The following USP22 variants were observed in gnomAD, a reference collection of about 807,000 sequenced individuals.
USP22 encodes the protein ubiquitin specific peptidase 22, also known as ubiquitin carboxyl-terminal hydrolase 22.
USP22 carries 22 observed loss-of-function variants against 68.1 expected under a neutral mutation model. The ratio of observed to expected loss-of-function variants is 0.32; its 90% confidence interval spans 0.23 to 0.46. The LOEUF (loss-of-function observed/expected upper bound fraction) is 0.46. Ranked by LOEUF, USP22 falls within the 20% of genes least tolerant of loss-of-function variation. The pLI, the probability that USP22 is intolerant of heterozygous loss-of-function variation, is 1.00. For missense variants in USP22, 433 were observed against 695.8 expected (o/e 0.62, Z 4.25); for synonymous variants, 279 against 274.2 (o/e 1.02, Z -0.17).
intron 7 of USP22, chr17:21,011,511 G>A: frequency 3.2e-6 from 2 of 618,070 alleles, no homozygotes; most frequent in Non-Finnish European, 5.5e-6. Context: ...GGGGAGGGGT[G>A]TGTGTGAACT....
intron 2 of USP22, among the ~76,000 whole-genome samples, chr17:21,024,814 A>G (rs1972200712): frequency 6.6e-6 from 1 of 152,166 alleles, no homozygotes; most frequent in Non-Finnish European, 1.5e-5. Flanking sequence ...ACAAAGTACA[A>G]AAAATCAGCC....
chr17:21,006,635 G>A lies in USP22; in HGVS notation c.1322+261C>T, dbSNP rs183820192. 75 of 182,438 alleles carry A rather than the reference G, an allele frequency of 4.1e-4. 1 individual carries two copies. Among genetic ancestry groups the A allele is most frequent in the African/African-American group, 1.6e-3 (69 of 42,542 alleles). The allele number at this position is 182,438 out of a possible 1,614,324, so 11.3% of individuals were successfully genotyped here. ...TTCTCCTGCCTCAGCCTCCCAAATA[G>A]CTGGGACTACAGGTGCCTGCCACCA... On this transcript the variant is annotated intron_variant, in intron 10 of 12. Transcript: ENST00000261497.
Position 21,028,296 on chromosome 17 carries a change from A to C in USP22, c.304+246T>G, listed in dbSNP as rs142997920. 4.3e-3 allele frequency among the ~76,000 whole-genome samples: 651 copies of C among 152,298 alleles called. 5 individuals are homozygous for C. The highest frequency in any genetic ancestry group is 0.015 in the African/African-American group (626 of 41,556). ...CAGGGACAGTGCAACTTTTCACAGGAAGTCAGCTGGACATAAGACAGCAGG... is the reference window on the plus strand; with the variant it reads ...CAGGGACAGTGCAACTTTTCACAGGCAGTCAGCTGGACATAAGACAGCAGG... On this transcript the variant is annotated intron_variant, in intron 2 of 12. Coordinates refer to ENST00000261497, the MANE Select transcript of USP22 (RefSeq NM_015276.2).
chr17:21,033,028 C>T (rs146062163), intron 1 of USP22, among the ~76,000 whole-genome samples: 1,735 of 150,160 alleles, frequency 0.012, 15 homozygotes, highest in Non-Finnish European at 0.018. Context: ...GCAGACGATG[C>T]GGTTGGTGAG....
Position 21,004,780 on chromosome 17 carries a change from CGGGCAGCCAA to C in USP22, c.1385+138_1385+147del. On this transcript the variant is annotated intron_variant, in intron 11 of 12. Coordinates refer to ENST00000261497, the MANE Select transcript of USP22 (RefSeq NM_015276.2). ...GGAGCGGCCTTTCCTAGTGGAGCTGCGGGCAGCCAATAGTGGAGCTGCGGGCAGCCAAGCG... is the reference window on the plus strand; with the variant it reads ...GGAGCGGCCTTTCCTAGTGGAGCTGCTAGTGGAGCTGCGGGCAGCCAAGCG... The C allele has an allele frequency of 6.7e-4, 57 of 85,640 alleles. 14 individuals are homozygous for C. Among genetic ancestry groups the C allele is most frequent in the South Asian group, 2.9e-3 (6 of 2,036 alleles). 5.3% of individuals were successfully genotyped at this position (85,640 alleles called of 1,614,324 possible). A position where few individuals can be genotyped will look rare whatever the true frequency, so the allele number is the denominator to read the frequency against.
At chr17:21,028,775 G>C (rs540657496) in intron 1 of USP22, 101 bp from the exon 2 acceptor site, 2 of 1,411,326 alleles carry the variant, frequency 1.4e-6, no homozygotes, top group African/African-American at 1.4e-5. Flanking sequence ...GCTACTGGAA[G>C]AAAGGACAGG....
intron 12 of USP22, 103 bp from the exon 13 acceptor site, chr17:21,003,176 G>C: frequency 3.6e-6 from 5 of 1,397,228 alleles, no homozygotes; most frequent in Non-Finnish European, 4.0e-6. Flanking sequence ...GCTCTGCACA[G>C]GTCGGCCAGG....
intron 12 of USP22, 152 bp downstream of exon 12, chr17:21,004,050 G>A (rs1913692467): frequency 2.7e-6 from 3 of 1,103,614 alleles, no homozygotes; most frequent in Admixed American, 2.7e-5. Flanking sequence ...CATCGAGGCT[G>A]GCATCCTATC....
chr17:21,030,384 GTGTATGTATGTA>G (rs945403264), intron 1 of USP22, among the ~76,000 whole-genome samples: 1 of 57,696 alleles, frequency 1.7e-5, no homozygotes, highest in Non-Finnish European at 4.3e-5. Context: ...GTGTGTGTGT[GTGTATGTATGTA>G]TGTATGTATG....
chr17:21,036,698 T>C (rs769425359), intron 1 of USP22, among the ~76,000 whole-genome samples: 45 of 152,260 alleles, frequency 3.0e-4, no homozygotes, highest in African/African-American at 5.1e-4. Context: ...ATAATCCCTA[T>C]AGAAATGGAT....
intron 5 of USP22, 83 bp downstream of exon 5, chr17:21,017,859 A>G: frequency 6.6e-7 from 1 of 1,526,660 alleles, no homozygotes; most frequent in Non-Finnish European, 8.9e-7. Context: ...ATCTTCCTTT[A>G]TCATGGTCCA....
chr17:21,023,159 G>A (rs781729825), intron 2 of USP22, among the ~76,000 whole-genome samples: 10 of 152,080 alleles, frequency 6.6e-5, no homozygotes, highest in Non-Finnish European at 1.5e-5. Context: ...GAGAACAACA[G>A]ACACTGCGGC....
At chr17:21,017,489 C>T (rs1972102320) in intron 5 of USP22, among the ~76,000 whole-genome samples, 1 of 152,256 alleles carries the variant, frequency 6.6e-6, no homozygotes, top group Non-Finnish European at 1.5e-5. Flanking sequence ...CCCACAGGAA[C>T]AGCCAACGTG....
chr17:21,036,522 G>T (rs556264475), intron 1 of USP22, among the ~76,000 whole-genome samples: 4 of 134,292 alleles, frequency 3.0e-5, no homozygotes, highest in Non-Finnish European at 4.7e-5. Context: ...GTACTGTAAG[G>T]GGGGGGGGGG....
At chr17:21,036,525 G>C (rs1025729514) in intron 1 of USP22, among the ~76,000 whole-genome samples, 5 of 142,832 alleles carry the variant, frequency 3.5e-5, no homozygotes, top group Admixed American at 2.8e-4. Context: ...CTGTAAGGGG[G>C]GGGGGGGTCA....
intron 2 of USP22, among the ~76,000 whole-genome samples, chr17:21,026,622 C>G (rs1972222981): frequency 1.3e-5 from 2 of 151,522 alleles, no homozygotes; most frequent in Admixed American, 6.6e-5. Context: ...CACCGCTCCT[C>G]CCTCATCTCA....
At chr17:21,036,023 T>A (rs1597701875) in intron 1 of USP22, among the ~76,000 whole-genome samples, 1 of 83,358 alleles carries the variant, frequency 1.2e-5, no homozygotes. Flanking sequence ...AGAGCAAGAC[T>A]CCGTCTCAAA....
At chr17:21,026,803 A>AT (rs576927345) in intron 2 of USP22, among the ~76,000 whole-genome samples, 51,118 of 142,558 alleles carry the variant, frequency 0.36, 10,038 homozygotes, top group African/African-American at 0.52. Context: ...TGTCTCCACA[A>AT]TTTTTTTTTT....
Position 21,021,212 on chromosome 17 carries a change from A to G in USP22, c.319T>C (p.Tyr107His). Residue 107 changes from tyrosine (Y) to histidine (H), a missense_variant, in exon 3 of 13, where the codon TAC (tyrosine) becomes CAC (histidine). Physicochemically the swap from Tyr to His is moderately conservative, Grantham distance 83. Coordinates refer to ENST00000261497, the MANE Select transcript of USP22 (RefSeq NM_015276.2). ...KRHNLAIDLMYGGIYCFLCQD... is the reference protein window; with the variant it reads ...KRHNLAIDLMHGGIYCFLCQD... ...CACAGAAAACAGTAGATGCCTCCGT[A>G]CATCAGATCAATGGCTGAGGAGAGA... The G allele has an allele frequency of 6.2e-7, 1 of 1,609,826 alleles. No individual in the cohort carries two copies. The highest frequency in any genetic ancestry group is 2.2e-5 in the East Asian group (1 of 44,874).
Sources: gnomAD v4.1 joint callset for allele counts (sites outside exome capture counted in the v4.1 genomes callset) on GRCh38, gnomAD v4.1.1 for gene constraint, MANE v1.5 for transcripts, NCBI Gene and HGNC (gene_info 2026-07-23, HGNC 2026-07-21) for gene names.